CCDC186: variants seen among roughly 807,000 people sequenced by gnomAD.
CCDC186 encodes coiled-coil domain-containing protein 186.
A neutral mutation model predicts 113.7 loss-of-function variants in CCDC186; 49 were observed. The ratio of observed to expected loss-of-function variants is 0.43; its 90% CI spans 0.34 to 0.55. CCDC186 has a LOEUF of 0.55. Ranked by LOEUF, CCDC186 falls within the 20% of genes least tolerant of loss-of-function variation. CCDC186 has a pLI of 0.02. For missense variants in CCDC186, 890 were observed against 1,011.1 expected (o/e 0.88, Z 1.62); for synonymous variants, 355 against 345.8 (o/e 1.03, Z -0.30).
intron 6 of CCDC186, among the ~76,000 whole-genome samples, chr10:114,139,486 C>G (rs539196096): frequency 2.6e-5 from 4 of 151,198 alleles, no homozygotes; most frequent in African/African-American, 9.7e-5. Context: ...TCGCTTGACC[C>G]TGGGAGGCAG....
chr10:114,132,315 G>T, intron 10 of CCDC186, 131 bp from the exon 11 acceptor site: 1 of 655,148 alleles, frequency 1.5e-6, no homozygotes, highest in Non-Finnish European at 2.4e-6. Flanking sequence ...ATTTATAAAT[G>T]CCTAATATAT....
chr10:114,130,326 T>A (rs917250476), intron 12 of CCDC186: 1 of 169,106 alleles, frequency 5.9e-6, no homozygotes, highest in African/African-American at 2.4e-5. Flanking sequence ...ATGGCAAATA[T>A]CTGAATATAT....
intron 10 of CCDC186, among the ~76,000 whole-genome samples, chr10:114,133,310 C>T (rs1466768926): frequency 1.3e-5 from 2 of 152,110 alleles, no homozygotes; most frequent in African/African-American, 4.8e-5. Context: ...AGGATGGCCC[C>T]CAGCCTGCTA....
rs950289206 is a variant in CCDC186 at position 114,129,052 on chromosome 10, C to G, written c.2182+839G>C. On this transcript the variant is annotated intron_variant, in intron 13 of 15. Coordinates refer to ENST00000369287, the MANE Select transcript of CCDC186 (RefSeq NM_018017.4). ...GCGCGGAGGCTCAAGCCTGTCATCC[C>G]AGAACTCTGGGAGGCCAAGGTGGGA... is the stretch of plus-strand genomic sequence containing the variant. 3.3e-5 allele frequency among the ~76,000 whole-genome samples: 5 copies of G among 152,226 alleles called. No homozygotes were observed. The East Asian group carries it at 9.7e-4, about 29-fold the overall frequency.
intron 10 of CCDC186, among the ~76,000 whole-genome samples, chr10:114,132,434 AT>A (rs1313327004): frequency 6.6e-6 from 1 of 152,208 alleles, no homozygotes; most frequent in Non-Finnish European, 1.5e-5. Context: ...AACATTTTTT[AT>A]GATAAAAGCA....
At chr10:114,139,878 A>C (rs2119745246) in intron 6 of CCDC186, among the ~76,000 whole-genome samples, 1 of 152,366 alleles carries the variant, frequency 6.6e-6, no homozygotes, top group South Asian at 2.1e-4. Flanking sequence ...CATAGTAAGC[A>C]CTTCATTCGC....
chr10:114,131,384 C>A, intron 11 of CCDC186, 48 bp from the exon 12 acceptor site: 1 of 1,431,190 alleles, frequency 7.0e-7, no homozygotes, highest in Non-Finnish European at 9.4e-7. Context: ...ATGTTTGTTT[C>A]CATTAATGCT....
chr10:114,164,575 C>T (rs2032281031), intron 1 of CCDC186, among the ~76,000 whole-genome samples: 1 of 152,052 alleles, frequency 6.6e-6, no homozygotes, highest in South Asian at 2.1e-4. Context: ...CAGGTATCAA[C>T]AAAGCATGTA....
At chr10:114,135,647 T>C (rs925561433) in intron 9 of CCDC186, among the ~76,000 whole-genome samples, 10 of 152,176 alleles carry the variant, frequency 6.6e-5, no homozygotes, top group African/African-American at 2.4e-4. Flanking sequence ...GGATAAGCTA[T>C]AGACACAGCA....
At position 114,124,235 on chromosome 10, in the gene CCDC186, T is replaced by G. The variant is rs2030817497; in HGVS notation, c.*908A>C. ...TCCACTATAATACATAATTAATATA[T>G]CCATGGTAAAGAATGGTGCTCAAAT... is the stretch of plus-strand genomic sequence containing the variant. On this transcript the variant is annotated 3_prime_UTR_variant, in exon 16 of 16. Coordinates refer to ENST00000369287, the MANE Select transcript of CCDC186 (RefSeq NM_018017.4). The G allele has an allele frequency of 6.6e-6, 1 of 152,140 alleles. No homozygotes were observed. The highest frequency in any genetic ancestry group is 6.5e-5 in the Admixed American group (1 of 15,270). The allele number at this position is 152,140 out of a possible 1,614,324, so 9.4% of individuals were successfully genotyped here. A position where few individuals can be genotyped will look rare whatever the true frequency, so the allele number is the denominator to read the frequency against.
At chr10:114,161,726 G>T (rs1358740731) in intron 2 of CCDC186, 1 of 152,162 alleles carries the variant, frequency 6.6e-6, no homozygotes, top group African/African-American at 2.4e-5. Context: ...GTCTTGAAGA[G>T]ATACTTGCAA....
At chr10:114,162,603 GA>G (rs758198133) in intron 2 of CCDC186, 33 bp downstream of exon 2, 76 of 1,428,302 alleles carry the variant, frequency 5.3e-5, no homozygotes, top group Admixed American at 1.4e-4. Context: ...GCCTGTGAGG[GA>G]AAAAAAATAA....
At chr10:114,156,718 ACT>A (rs1242121405) in intron 3 of CCDC186, among the ~76,000 whole-genome samples, 1 of 152,030 alleles carries the variant, frequency 6.6e-6, no homozygotes, top group African/African-American at 2.4e-5. Context: ...CAAGAGCAAA[ACT>A]CTGTCTCAAA....
In CCDC186 at chr10:114,169,795, G is replaced by T. The variant is rs543258927; in HGVS notation, c.-62+4220C>A. Among the ~76,000 whole-genome samples, 5 of 152,212 alleles carry T rather than the reference G, an allele frequency of 3.3e-5. No individual in the cohort carries two copies. In the East Asian group the frequency reaches 9.6e-4, roughly 29 times the overall value. ...TCAGAAGTAAAATCAAATCAAAAAC[G>T]CATCCACACAGTTCAATGTAACCTG... On this transcript the variant is annotated intron_variant, in intron 1 of 15. Transcript: ENST00000369287.
chr10:114,139,119 T>C (rs751965623), intron 6 of CCDC186, among the ~76,000 whole-genome samples: 125 of 152,178 alleles, frequency 8.2e-4, no homozygotes, highest in South Asian at 4.1e-4. Context: ...GACTACTATC[T>C]GTTGAATTAA....
At chr10:114,168,859 C>T (rs1180380790) in intron 1 of CCDC186, among the ~76,000 whole-genome samples, 1 of 152,206 alleles carries the variant, frequency 6.6e-6, no homozygotes, top group Non-Finnish European at 1.5e-5. Flanking sequence ...CAGGCGATTA[C>T]AAACTCACAG....
chr10:114,143,101 T>C (rs1220997774), intron 6 of CCDC186, among the ~76,000 whole-genome samples: 3 of 152,244 alleles, frequency 2.0e-5, no homozygotes, highest in Non-Finnish European at 4.4e-5. Context: ...AATTTCTACA[T>C]ACCAAGTCAA....
intron 4 of CCDC186, among the ~76,000 whole-genome samples, chr10:114,147,923 G>A (rs2031694998): frequency 6.6e-6 from 1 of 152,074 alleles, no homozygotes; most frequent in Non-Finnish European, 1.5e-5. Context: ...GAGCCCAGGA[G>A]TTTGAGACCA....
In CCDC186 at chr10:114,171,699, T is replaced by C. The variant is rs899401657; in HGVS notation, c.-62+2316A>G. On this transcript the variant is annotated intron_variant, in intron 1 of 15. Coordinates refer to ENST00000369287, the MANE Select transcript of CCDC186 (RefSeq NM_018017.4). ...GGTTAATTTGGTATGCTCTACTTTA[T>C]TAAAAACATGAACTGATAGTCTACC... Among the ~76,000 whole-genome samples, 5 of 152,218 alleles carry C rather than the reference T, an allele frequency of 3.3e-5. No individual in the cohort carries two copies. In the South Asian group the frequency reaches 1.0e-3, roughly 32 times the overall value.
Sources: allele counts gnomAD v4.1 joint callset (sites outside exome capture counted in the v4.1 genomes callset), GRCh38; gene constraint gnomAD v4.1.1; transcripts MANE v1.5; gene names NCBI Gene and HGNC (gene_info 2026-07-23, HGNC 2026-07-21).